The following PBRM1 variants were observed in gnomAD, a reference collection of about 807,000 sequenced individuals.
The protein encoded by PBRM1 is protein polybromo-1.
A neutral mutation model predicts 194.5 loss-of-function variants in PBRM1; 27 were observed. The ratio of observed to expected loss-of-function variants is 0.14; its 90% CI spans 0.10 to 0.19. The LOEUF is 0.19. Ranked by LOEUF, PBRM1 falls within the 10% of genes least tolerant of loss-of-function variation. PBRM1 has a pLI of 1.00. For missense variants in PBRM1, 1,466 were observed against 2,077.2 expected, an observed-to-expected ratio of 0.71 and a Z score of 5.72; for synonymous variants, 655 against 693.2, an observed-to-expected ratio of 0.94 and a Z score of 0.87.
chr3:52,639,285 C>T (rs576546959), intron 10 of PBRM1, among the ~76,000 whole-genome samples: 12 of 152,218 alleles, frequency 7.9e-5, no homozygotes, highest in African/African-American at 2.6e-4. Flanking sequence ...CTTATTCACA[C>T]ATTCTTTTTT....
At chr3:52,603,892 A>G (rs2094167404) in intron 16 of PBRM1, among the ~76,000 whole-genome samples, 160 bp from the exon 19 acceptor site, 1 of 152,254 alleles carries the variant, frequency 6.6e-6, no homozygotes, top group Non-Finnish European at 1.5e-5. Flanking sequence ...AACAAAATCC[A>G]AAGTGTCATT....
At chr3:52,661,995 T>G (rs573289301) in intron 4 of PBRM1, 138 bp downstream of exon 5, 2 of 806,656 alleles carry the variant, frequency 2.5e-6, no homozygotes, top group Non-Finnish European at 3.9e-6. Context: ...TCTGGCTGAA[T>G]GTCCTTTTAT....
upstream of PBRM1, among the ~76,000 whole-genome samples, chr3:52,684,549 T>C (rs537583904): frequency 6.6e-6 from 1 of 152,354 alleles, no homozygotes; most frequent in Admixed American, 6.5e-5. Flanking sequence ...CTCTTAACGT[T>C]GTCATTCGGT....
intron 6 of PBRM1, among the ~76,000 whole-genome samples, chr3:52,648,811 A>T (rs987281629): frequency 6.6e-6 from 1 of 152,242 alleles, no homozygotes; most frequent in Non-Finnish European, 1.5e-5. Context: ...AATAGTGTGA[A>T]GCAAAACTCC....
At chr3:52,613,626 G>C (rs189152095) in intron 15 of PBRM1, among the ~76,000 whole-genome samples, 1 of 151,986 alleles carries the variant, frequency 6.6e-6, no homozygotes, top group African/African-American at 2.4e-5. Context: ...TTACAGGAGC[G>C]AGTCACCACC....
chr3:52,610,960 T>A (rs1327748853), intron 15 of PBRM1, among the ~76,000 whole-genome samples: 1 of 151,856 alleles, frequency 6.6e-6, no homozygotes, highest in Admixed American at 6.6e-5. Context: ...ACAAAAAGAA[T>A]ACAGGAACGA....
At chr3:52,672,373 T>C (rs2096966382) in intron 2 of PBRM1, among the ~76,000 whole-genome samples, 1 of 152,142 alleles carries the variant, frequency 6.6e-6, no homozygotes, top group African/African-American at 2.4e-5. Context: ...TGTAACACAA[T>C]ATATTCACAG....
chr3:52,567,806 G>GTT lies in PBRM1; in HGVS notation c.3692-3575_3692-3574dup, dbSNP rs1163710948. Among the ~76,000 whole-genome samples the GTT allele has an allele frequency of 1.5e-3, 147 of 98,084 alleles. 1 individual carries two copies. The highest frequency in any genetic ancestry group is 2.7e-3 in the Admixed American group (26 of 9,620). 64.3% of individuals were successfully genotyped at this position (98,084 alleles called of 152,430 possible). On this transcript the variant is annotated intron_variant, in intron 22 of 29. Transcript: ENST00000296302. ...GCCACCATGCCTGGCTAATTTTTGT[G>GTT]TTTTTTTTTTTTTTTTTTTTTTAGT...
chr3:52,660,996 T>C (rs2096712179), intron 4 of PBRM1, among the ~76,000 whole-genome samples: 1 of 152,182 alleles, frequency 6.6e-6, no homozygotes, highest in South Asian at 2.1e-4. Context: ...CTATTCTTTT[T>C]TCTCTTTTCA....
chr3:52,585,166 A>G (rs2092170975), intron 20 of PBRM1, among the ~76,000 whole-genome samples: 1 of 152,196 alleles, frequency 6.6e-6, no homozygotes, highest in African/African-American at 2.4e-5. Flanking sequence ...ATCAATATAC[A>G]TGAATAAGAC....
intron 17 of PBRM1, among the ~76,000 whole-genome samples, chr3:52,592,477 G>C (rs962199775): frequency 6.6e-6 from 1 of 152,148 alleles, no homozygotes; most frequent in Admixed American, 6.5e-5. Flanking sequence ...ATTGATTTGC[G>C]TATGCTGAAC....
intron 27 of PBRM1, among the ~76,000 whole-genome samples, chr3:52,553,882 G>A (rs941003225): frequency 2.6e-5 from 4 of 151,982 alleles, no homozygotes; most frequent in African/African-American, 7.3e-5. Context: ...GGCTGGTCTC[G>A]AACTCCTGAC....
chr3:52,636,601 A>C (rs145654156), intron 10 of PBRM1, among the ~76,000 whole-genome samples: 3,446 of 151,006 alleles, frequency 0.023, 51 homozygotes, highest in Non-Finnish European at 0.034. Flanking sequence ...ACTAAAAATA[A>C]AAAAAATTAG....
chr3:52,612,344 C>G (rs1035174291), intron 15 of PBRM1, among the ~76,000 whole-genome samples: 1 of 150,522 alleles, frequency 6.6e-6, no homozygotes, highest in Non-Finnish European at 1.5e-5. Flanking sequence ...CAGACACTGC[C>G]TCAAGACATG....
chr3:52,670,937 G>C (rs1176514173), intron 2 of PBRM1, among the ~76,000 whole-genome samples: 1 of 152,194 alleles, frequency 6.6e-6, no homozygotes. Context: ...CTAGATTCTA[G>C]CCAATACGAG....
At chr3:52,553,078 G>A (rs1245760696) in intron 27 of PBRM1, among the ~76,000 whole-genome samples, 1 of 152,132 alleles carries the variant, frequency 6.6e-6, no homozygotes, top group East Asian at 1.9e-4. Flanking sequence ...AGCATCATTT[G>A]GTACCCTGCA....
chr3:52,670,029 A>G (rs1028463427), intron 2 of PBRM1, among the ~76,000 whole-genome samples: 2 of 150,454 alleles, frequency 1.3e-5, no homozygotes, highest in Admixed American at 1.4e-4. Context: ...ATAACTTAAT[A>G]TCCAAGATGG....
intron 5 of PBRM1, among the ~76,000 whole-genome samples, chr3:52,655,248 G>T (rs1333988428): frequency 6.6e-6 from 1 of 151,986 alleles, no homozygotes; most frequent in Admixed American, 6.6e-5. Context: ...ATTCCCTCCA[G>T]CCCCTGGCAA....
At chr3:52,580,419 C>T (rs984535104) in intron 20 of PBRM1, among the ~76,000 whole-genome samples, 15 of 151,978 alleles carry the variant, frequency 9.9e-5, no homozygotes, top group African/African-American at 3.6e-4. Flanking sequence ...AGTGCAGTGG[C>T]GCGATATTGG....
Sources: allele counts gnomAD v4.1 joint callset (sites outside exome capture counted in the v4.1 genomes callset), GRCh38; gene constraint gnomAD v4.1.1; transcripts MANE v1.5; gene names NCBI Gene and HGNC (gene_info 2026-07-23, HGNC 2026-07-21).